Variants in CLVS1 observed in about 807,000 individuals in gnomAD.
CLVS1 encodes clavesin-1.
Under a neutral mutation model 33.1 loss-of-function variants are expected in CLVS1, and 10 were observed. That is an observed-to-expected ratio of 0.30 (90% CI 0.19 to 0.51). The LOEUF is 0.51. Ranked by LOEUF, CLVS1 falls within the 20% of genes least tolerant of loss-of-function variation. The pLI is 0.97. For missense variants in CLVS1, 343 were observed against 433.4 expected (o/e 0.79, Z 1.85); for synonymous variants, 163 against 166.1 (o/e 0.98, Z 0.14).
At chr8:61,155,951 G>T (rs116009974) in intron 2 of CLVS1, among the ~76,000 whole-genome samples, 1 of 152,256 alleles carries the variant, frequency 6.6e-6, no homozygotes, top group African/African-American at 2.4e-5. Context: ...AATGGCTCAC[G>T]CCTGTAATCT....
intron 2 of CLVS1, among the ~76,000 whole-genome samples, chr8:61,317,086 G>A (rs1486242711): frequency 6.6e-6 from 1 of 152,060 alleles, no homozygotes; most frequent in Non-Finnish European, 1.5e-5. Context: ...GTTCACTTGT[G>A]TGCTACTATA....
At chr8:61,043,523 T>C in the CLVS1 span, among the ~76,000 whole-genome samples, 1 of 152,232 alleles carries the variant, frequency 6.6e-6, no homozygotes, top group African/African-American at 2.4e-5. Context: ...TGGGCTCTCT[T>C]TACTAGGGCA....
chr8:61,005,838 C>T, the CLVS1 span, among the ~76,000 whole-genome samples: 100 of 152,276 alleles, frequency 6.6e-4, no homozygotes, highest in East Asian at 2.1e-3. Flanking sequence ...CTGATTGTTC[C>T]GGCACAAACA....
intron 4 of CLVS1, among the ~76,000 whole-genome samples, chr8:61,456,282 T>A (rs927167450): frequency 3.3e-5 from 5 of 152,138 alleles, no homozygotes; most frequent in African/African-American, 1.2e-4. Context: ...AAACTGGACA[T>A]GTTGGGTGGA....
intron 2 of CLVS1, among the ~76,000 whole-genome samples, chr8:61,357,837 G>A (rs1005623793): frequency 6.6e-6 from 1 of 152,026 alleles, no homozygotes; most frequent in African/African-American, 2.4e-5. Context: ...GATTACTGGT[G>A]TGAGCCACCA....
chr8:61,266,871 A>C (rs750206794), intron 2 of CLVS1, among the ~76,000 whole-genome samples: 2 of 152,216 alleles, frequency 1.3e-5, no homozygotes, highest in African/African-American at 2.4e-5. Flanking sequence ...ATAGATTGCT[A>C]TTTGGGATTC....
chr8:60,975,738 T>C, the CLVS1 span, among the ~76,000 whole-genome samples: 1 of 152,318 alleles, frequency 6.6e-6, no homozygotes, highest in East Asian at 1.9e-4. Context: ...ACATCCTTCC[T>C]CACCCCCTCT....
chr8:61,173,975 G>A (rs764438588), intron 2 of CLVS1, among the ~76,000 whole-genome samples: 26 of 152,200 alleles, frequency 1.7e-4, no homozygotes, highest in Non-Finnish European at 3.4e-4. Context: ...ATTGGTTAGA[G>A]TGCTGATTGG....
intron 2 of CLVS1, among the ~76,000 whole-genome samples, chr8:61,279,483 C>T (rs965253146): frequency 6.6e-6 from 1 of 152,184 alleles, no homozygotes; most frequent in Non-Finnish European, 1.5e-5. Context: ...AAAAGACCTG[C>T]AGTAATAATT....
chr8:61,115,503 T>A (rs1385981551), intron 1 of CLVS1, among the ~76,000 whole-genome samples: 1 of 152,092 alleles, frequency 6.6e-6, no homozygotes, highest in Non-Finnish European at 1.5e-5. Flanking sequence ...ATTAGGTATA[T>A]CTCCCCATGC....
intron 3 of CLVS1, among the ~76,000 whole-genome samples, chr8:61,379,788 C>T (rs1356096366): frequency 6.6e-6 from 1 of 152,166 alleles, no homozygotes; most frequent in Admixed American, 6.5e-5. Flanking sequence ...AGCTGGGATT[C>T]AGTCATCTCC....
At chr8:61,186,403 A>T (rs72654671) in intron 2 of CLVS1, among the ~76,000 whole-genome samples, 11,150 of 152,230 alleles carry the variant, frequency 0.073, 605 homozygotes, top group African/African-American at 0.13. Context: ...CCTTCTCTGC[A>T]TACCTGAAGC....
At chr8:61,012,040 C>T in the CLVS1 span, among the ~76,000 whole-genome samples, 40 of 152,292 alleles carry the variant, frequency 2.6e-4, no homozygotes, top group African/African-American at 8.2e-4. Flanking sequence ...AGGGAGACAG[C>T]GCTAGGGCAG....
chr8:61,028,405 G>A, the CLVS1 span, among the ~76,000 whole-genome samples: 5 of 152,234 alleles, frequency 3.3e-5, no homozygotes, highest in African/African-American at 7.2e-5. Context: ...ATGTGACATC[G>A]AAATTAATAC....
rs1476331234 is a variant in CLVS1 at position 61,368,501 on chromosome 8, G to T, written c.456-8104G>T. Among the ~76,000 whole-genome samples, 5 of 152,120 alleles carry T rather than the reference G, an allele frequency of 3.3e-5. No individual in the cohort carries two copies. The East Asian group carries it at 9.6e-4, about 29-fold the overall frequency. On this transcript the variant is annotated intron_variant, in intron 2 of 5. Coordinates refer to ENST00000325897, the MANE Select transcript of CLVS1 (RefSeq NM_173519.3). ...ACAAGAACATTACCCTTTGTGTTTT[G>T]TCCTCAGTAGCATTGGTCAGATAGG...
chr8:61,120,137 T>G (rs1805825848), intron 1 of CLVS1, among the ~76,000 whole-genome samples: 1 of 147,196 alleles, frequency 6.8e-6, no homozygotes, highest in African/African-American at 2.5e-5. Flanking sequence ...CTTCCATCGC[T>G]GATACCCTTT....
Position 61,106,155 on chromosome 8 carries a change from C to A in CLVS1, c.-242-25615C>A, listed in dbSNP as rs886397318. Reference sequence around the variant, plus strand: ...TCCTTCCCTGGAAGAGGTGGAGGAGCCCTTTGTAGGCTCTCAGTTCAGGTT... The same window carrying A: ...TCCTTCCCTGGAAGAGGTGGAGGAGACCTTTGTAGGCTCTCAGTTCAGGTT... On this transcript the variant is annotated intron_variant, in intron 1 of 2. Transcript: ENST00000522621. Among the ~76,000 whole-genome samples the A allele has an allele frequency of 3.3e-5, 5 of 152,326 alleles. No individual in the cohort carries two copies. In the East Asian group the frequency reaches 9.6e-4, roughly 29 times the overall value.
At chr8:61,228,144 T>C (rs1030589576) in intron 2 of CLVS1, among the ~76,000 whole-genome samples, 1 of 152,202 alleles carries the variant, frequency 6.6e-6, no homozygotes. Context: ...TTTCTAGTAA[T>C]TTCTTATGAT....
chr8:61,126,254 C>A (rs1805967519), intron 1 of CLVS1, among the ~76,000 whole-genome samples: 1 of 152,158 alleles, frequency 6.6e-6, no homozygotes, highest in African/African-American at 2.4e-5. Flanking sequence ...GTCCTCCCAC[C>A]CAGCTCTCAC....
Sources: gnomAD v4.1 joint callset for allele counts (sites outside exome capture counted in the v4.1 genomes callset) on GRCh38, gnomAD v4.1.1 for gene constraint, MANE v1.5 for transcripts, NCBI Gene and HGNC (gene_info 2026-07-23, HGNC 2026-07-21) for gene names.